POU2F3: variants seen among roughly 807,000 people sequenced by gnomAD.
POU2F3 encodes the protein POU domain, class 2, transcription factor 3.
A neutral mutation model predicts 59.2 loss-of-function variants in POU2F3; 23 were observed. The ratio of observed to expected loss-of-function variants is 0.39; its 90% CI spans 0.28 to 0.55. POU2F3 has a LOEUF of 0.55. POU2F3 is among the 20% of genes least tolerant of loss of function. POU2F3 has a pLI of 0.66. For missense variants in POU2F3, 473 were observed against 544.5 expected (o/e 0.87, Z 1.31); for synonymous variants, 190 against 214.6 (o/e 0.89, Z 1.00).
chr11:120,305,023 C>T lies in POU2F3; in HGVS notation c.445-7C>T. On this transcript the variant is annotated splice_region_variant and splice_polypyrimidine_tract_variant and intron_variant, in intron 6 of 12. Coordinates refer to ENST00000543440, the MANE Select transcript of POU2F3 (RefSeq NM_014352.4). ...GTGGTGGATCTGCTTGGCGTGTTTC[C>T]TATCAGGCATTTGGGCACCCTGGGC... The T allele has an allele frequency of 6.3e-7, 1 of 1,589,644 alleles. No individual in the cohort carries two copies. Among genetic ancestry groups the T allele is most frequent in the Non-Finnish European group, 8.6e-7 (1 of 1,167,250 alleles).
rs766751930 is a variant in POU2F3, at chr11:120,299,737, T to TAGACCACCTA, written c.361+11_361+12insAGACCACCTA. 8.7e-6 allele frequency: 14 copies of TAGACCACCTA among 1,605,736 alleles called. No individual in the cohort carries two copies. Among genetic ancestry groups the TAGACCACCTA allele is most frequent in the Middle Eastern group, 1.7e-4 (1 of 6,030 alleles). Reference sequence around the variant, plus strand: ...AGCCTGGGCAGCAAGGTAAGAACCCTGGGGGTTTCCACCTAGACCAAGTCC... The same window carrying TAGACCACCTA: ...AGCCTGGGCAGCAAGGTAAGAACCCTAGACCACCTAGGGGGTTTCCACCTAGACCAAGTCC... On this transcript the variant is annotated intron_variant, in intron 5 of 12. Coordinates refer to ENST00000543440, the MANE Select transcript of POU2F3 (RefSeq NM_014352.4).
At chr11:120,312,282 C>A (rs1412582663) in intron 10 of POU2F3, among the ~76,000 whole-genome samples, 2 of 152,184 alleles carry the variant, frequency 1.3e-5, no homozygotes, top group South Asian at 4.2e-4. Context: ...CACCATCACA[C>A]CTGGCTAATT....
intron 2 of POU2F3, among the ~76,000 whole-genome samples, chr11:120,255,448 T>C (rs1325725167): frequency 6.6e-6 from 1 of 152,080 alleles, no homozygotes; most frequent in African/African-American, 2.4e-5. Flanking sequence ...CATAGGGCGA[T>C]GATTTCCATA....
chr11:120,312,294 T>C (rs1941668978), intron 10 of POU2F3, among the ~76,000 whole-genome samples: 1 of 152,082 alleles, frequency 6.6e-6, no homozygotes, highest in African/African-American at 2.4e-5. Context: ...TGGCTAATTT[T>C]GTATGTTTAG....
upstream of POU2F3, among the ~76,000 whole-genome samples, chr11:120,238,864 A>G (rs149421380): frequency 4.3e-3 from 642 of 150,068 alleles, 7 homozygotes; most frequent in African/African-American, 0.015. Flanking sequence ...AAGAACACGG[A>G]ACTTAAACTC....
chr11:120,246,293 G>T (rs1049678120), intron 1 of POU2F3, among the ~76,000 whole-genome samples, 156 bp from the exon 2 acceptor site: 2 of 152,166 alleles, frequency 1.3e-5, no homozygotes, highest in Non-Finnish European at 2.9e-5. Context: ...TCAAGCTTAT[G>T]AATATTCTAA....
chr11:120,249,562 G>A (rs1162149507), intron 2 of POU2F3, among the ~76,000 whole-genome samples: 1 of 152,142 alleles, frequency 6.6e-6, no homozygotes, highest in African/African-American at 2.4e-5. Flanking sequence ...CAATTATGTG[G>A]TTGATGAGAA....
chr11:120,237,104 C>T (rs949418200), upstream of POU2F3, among the ~76,000 whole-genome samples: 1 of 152,164 alleles, frequency 6.6e-6, no homozygotes, highest in Non-Finnish European at 1.5e-5. Context: ...AATACCAACT[C>T]TGTAGTCTAC....
chr11:120,262,766 G>T (rs1018449222), intron 2 of POU2F3, among the ~76,000 whole-genome samples: 18 of 152,310 alleles, frequency 1.2e-4, no homozygotes, highest in African/African-American at 4.3e-4. Context: ...TAAAAGTGGA[G>T]CATATCTTTG....
chr11:120,268,971 C>T (rs959958808), intron 2 of POU2F3, among the ~76,000 whole-genome samples: 17 of 152,154 alleles, frequency 1.1e-4, no homozygotes, highest in African/African-American at 4.1e-4. Context: ...GCTATGTGAC[C>T]TCAGACGATT....
chr11:120,274,653 A>G (rs1418110825), intron 3 of POU2F3, among the ~76,000 whole-genome samples: 1 of 152,182 alleles, frequency 6.6e-6, no homozygotes, highest in African/African-American at 2.4e-5. Context: ...GCATGGCAAG[A>G]AATTTGGATC....
At chr11:120,255,467 T>C (rs1341541903) in intron 2 of POU2F3, among the ~76,000 whole-genome samples, 2 of 151,834 alleles carry the variant, frequency 1.3e-5, no homozygotes, top group African/African-American at 4.8e-5. Flanking sequence ...TACTGCAGGG[T>C]GAATTTCCAT....
At chr11:120,240,499 G>A in intron 1 of POU2F3, 128 bp downstream of exon 1, 1 of 1,218,450 alleles carries the variant, frequency 8.2e-7, no homozygotes, top group Middle Eastern at 2.1e-4. Context: ...GGTGTGGATA[G>A]CGGGTTGTCC....
At chr11:120,302,483 G>A (rs1479883763) in intron 6 of POU2F3, 115 bp downstream of exon 6, 2 of 951,986 alleles carry the variant, frequency 2.1e-6, no homozygotes, top group South Asian at 1.8e-5. Context: ...GGGGAGAGGG[G>A]ATAGCAGGGA....
intron 10 of POU2F3, among the ~76,000 whole-genome samples, chr11:120,312,171 T>C (rs1280571461): frequency 6.6e-6 from 1 of 151,190 alleles, no homozygotes; most frequent in Non-Finnish European, 1.5e-5. Flanking sequence ...TTGCCCAGGC[T>C]GGAGTGCAAT....
In POU2F3 at chr11:120,305,025, A is replaced by T. The variant is rs768813556; in HGVS notation, c.445-5A>T. On this transcript the variant is annotated splice_region_variant and splice_polypyrimidine_tract_variant and intron_variant, in intron 6 of 12. Coordinates refer to ENST00000543440, the MANE Select transcript of POU2F3 (RefSeq NM_014352.4). ...GGTGGATCTGCTTGGCGTGTTTCCTATCAGGCATTTGGGCACCCTGGGCTG... is the reference window on the plus strand; with the variant it reads ...GGTGGATCTGCTTGGCGTGTTTCCTTTCAGGCATTTGGGCACCCTGGGCTG... 6.3e-7 allele frequency: 1 copy of T among 1,594,004 alleles called. No homozygotes were observed. The highest frequency in any genetic ancestry group is 2.2e-5 in the East Asian group (1 of 44,746).
chr11:120,248,661 G>C (rs1938967438), intron 2 of POU2F3, among the ~76,000 whole-genome samples: 1 of 152,106 alleles, frequency 6.6e-6, no homozygotes, highest in South Asian at 2.1e-4. Flanking sequence ...ACCACCACCA[G>C]GAGATCTTTC....
intron 2 of POU2F3, among the ~76,000 whole-genome samples, chr11:120,268,667 A>G (rs1939936876): frequency 6.6e-6 from 1 of 152,220 alleles, no homozygotes. Flanking sequence ...TTTTAAGCAC[A>G]TATTTACTTT....
rs146049758 is a variant in POU2F3 at position 120,244,318 on chromosome 11, C to T, written c.29-2131C>T. ...CATGAGAAGAAGGCAGGAAGGGAAG[C>T]GGACTAGCATCTAAGCCTAAGTGTC... On this transcript the variant is annotated intron_variant, in intron 1 of 12. Transcript: ENST00000543440. Among the ~76,000 whole-genome samples the T allele has an allele frequency of 5.3e-5, 8 of 152,290 alleles. No individual in the cohort carries two copies. The East Asian group carries it at 7.7e-4, about 15-fold the overall frequency.
Sources: gnomAD v4.1 joint callset for allele counts (sites outside exome capture counted in the v4.1 genomes callset) on GRCh38, gnomAD v4.1.1 for gene constraint, MANE v1.5 for transcripts, NCBI Gene and HGNC (gene_info 2026-07-23, HGNC 2026-07-21) for gene names.